The following KCNIP4 variants were observed in gnomAD, a reference collection of about 807,000 sequenced individuals.
KCNIP4 encodes potassium voltage-gated channel interacting protein 4, also known as Kv channel-interacting protein 4.
In KCNIP4, 12 loss-of-function variants were observed where a neutral mutation model predicts 34.0. That is an observed-to-expected ratio of 0.35 (90% CI 0.23 to 0.57). The LOEUF is 0.57. Among genes scored for constraint, KCNIP4 ranks in the 20% least tolerant of loss-of-function variants. KCNIP4 has a pLI of 0.83. For synonymous variants in KCNIP4, 124 were observed against 102.2 expected, an observed-to-expected ratio of 1.21 and a Z score of -1.29; for missense variants, 238 against 311.7, an observed-to-expected ratio of 0.76 and a Z score of 1.78.
At chr4:21,021,023 C>T (rs1017395107) in intron 1 of KCNIP4, among the ~76,000 whole-genome samples, 3 of 152,086 alleles carry the variant, frequency 2.0e-5, no homozygotes, top group African/African-American at 7.2e-5. Flanking sequence ...GTGAAGATCA[C>T]GGAGTGTACT....
At chr4:20,840,555 C>T (rs6447990) in intron 3 of KCNIP4, among the ~76,000 whole-genome samples, 59,205 of 151,912 alleles carry the variant, frequency 0.39, 12,057 homozygotes, top group Non-Finnish European at 0.46. Flanking sequence ...CCACACCATC[C>T]TTCTGCTCTC....
chr4:21,097,224 A>G (rs1358866241), intron 1 of KCNIP4, among the ~76,000 whole-genome samples: 2 of 152,206 alleles, frequency 1.3e-5, no homozygotes, highest in Admixed American at 1.3e-4. Flanking sequence ...ATGGATAAAC[A>G]AAATGTGTCA....
At chr4:20,737,129 G>A (rs939225419) in intron 5 of KCNIP4, among the ~76,000 whole-genome samples, 5 of 152,006 alleles carry the variant, frequency 3.3e-5, no homozygotes, top group Non-Finnish European at 7.4e-5. Flanking sequence ...TGGCATGAAG[G>A]GTAGAATGTC....
At chr4:21,750,105 G>A (rs1717050665) in intron 1 of KCNIP4, among the ~76,000 whole-genome samples, 1 of 152,088 alleles carries the variant, frequency 6.6e-6, no homozygotes, top group Non-Finnish European at 1.5e-5. Context: ...TCTCTCCAGG[G>A]ATATGAATCC....
chr4:21,292,596 C>T (rs1362291712), intron 1 of KCNIP4, among the ~76,000 whole-genome samples: 5 of 152,202 alleles, frequency 3.3e-5, no homozygotes, highest in South Asian at 4.2e-4. Context: ...CACATTTGCT[C>T]GGTAAATTCA....
intron 1 of KCNIP4, among the ~76,000 whole-genome samples, chr4:20,949,255 C>A (rs1732519413): frequency 6.6e-6 from 1 of 152,170 alleles, no homozygotes; most frequent in East Asian, 1.9e-4. Flanking sequence ...TCTTGAAACT[C>A]TTGAATAAAA....
At chr4:21,814,949 T>G (rs946562109) in intron 1 of KCNIP4, among the ~76,000 whole-genome samples, 1 of 152,106 alleles carries the variant, frequency 6.6e-6, no homozygotes, top group Non-Finnish European at 1.5e-5. Flanking sequence ...CGGGGCAACT[T>G]TGGCAACATC....
intron 1 of KCNIP4, among the ~76,000 whole-genome samples, chr4:21,874,075 T>C (rs1189489535): frequency 1.3e-5 from 2 of 152,232 alleles, no homozygotes; most frequent in African/African-American, 4.8e-5. Context: ...CTGATACGCA[T>C]AGCCGCAACA....
chr4:20,916,505 G>C (rs1439190908), intron 1 of KCNIP4, among the ~76,000 whole-genome samples: 1 of 152,026 alleles, frequency 6.6e-6, no homozygotes, highest in East Asian at 1.9e-4. Flanking sequence ...AGTGGGAAGG[G>C]GAAATGAATT....
At chr4:21,388,019 G>T (rs919594849) in intron 1 of KCNIP4, among the ~76,000 whole-genome samples, 1 of 150,362 alleles carries the variant, frequency 6.7e-6, no homozygotes, top group Non-Finnish European at 1.5e-5. Context: ...GGGATGAAAG[G>T]CATTTACATA....
chr4:21,478,034 C>T (rs1731132427), intron 1 of KCNIP4, among the ~76,000 whole-genome samples: 1 of 152,132 alleles, frequency 6.6e-6, no homozygotes, highest in Non-Finnish European at 1.5e-5. Context: ...ATCCTCCTAC[C>T]CTTCAACAAA....
chr4:21,463,521 G>A (rs1360459168), intron 1 of KCNIP4, among the ~76,000 whole-genome samples: 1 of 151,638 alleles, frequency 6.6e-6, no homozygotes, highest in African/African-American at 2.4e-5. Flanking sequence ...TTTTGTGTTT[G>A]GTTTCTTTCA....
chr4:21,636,753 A>G (rs1746200153), intron 1 of KCNIP4, among the ~76,000 whole-genome samples: 1 of 152,238 alleles, frequency 6.6e-6, no homozygotes, highest in Admixed American at 6.5e-5. Flanking sequence ...TTTCTTCACA[A>G]TGGCAAATAA....
chr4:21,225,870 C>A (rs908225632), intron 1 of KCNIP4, among the ~76,000 whole-genome samples: 2 of 152,042 alleles, frequency 1.3e-5, no homozygotes, highest in East Asian at 3.9e-4. Context: ...GCCAGGAAGG[C>A]CCAGTAGGGT....
At chr4:20,957,666 G>T (rs1268234336) in intron 1 of KCNIP4, among the ~76,000 whole-genome samples, 1 of 152,026 alleles carries the variant, frequency 6.6e-6, no homozygotes, top group Non-Finnish European at 1.5e-5. Context: ...ATGGGATAAC[G>T]AGCTGTGCTT....
intron 1 of KCNIP4, among the ~76,000 whole-genome samples, chr4:21,792,500 G>T (rs1720363332): frequency 6.6e-6 from 1 of 152,212 alleles, no homozygotes; most frequent in African/African-American, 2.4e-5. Flanking sequence ...TGGAACAGAT[G>T]CTGTGTGTAA....
chr4:21,854,617 C>A (rs889944462), intron 1 of KCNIP4, among the ~76,000 whole-genome samples: 2 of 152,062 alleles, frequency 1.3e-5, no homozygotes, highest in Admixed American at 1.3e-4. Flanking sequence ...TGGGCTCTAC[C>A]CTTGGCACAC....
In KCNIP4 at chr4:21,260,604, C is replaced by T. The variant is rs559337752; in HGVS notation, c.62-377895G>A. On this transcript the variant is annotated intron_variant, in intron 1 of 8. Transcript: ENST00000382152. ...TTTCTTAATGCCTTCAATTACCTGG[C>T]TTTAAGACTAGTCACAAACATGCAC... is the stretch of plus-strand genomic sequence containing the variant. Among the ~76,000 whole-genome samples, 21 of 152,232 alleles carry T rather than the reference C, an allele frequency of 1.4e-4. No homozygotes were observed. The South Asian group carries it at 2.3e-3, about 17-fold the overall frequency.
intron 3 of KCNIP4, 76 bp downstream of exon 3, chr4:20,850,467 T>A (rs1280741668): frequency 6.8e-7 from 1 of 1,481,220 alleles, no homozygotes; most frequent in African/African-American, 1.4e-5. Context: ...AATGGGATAT[T>A]TTCCCCCTTT....
Sources: gnomAD v4.1 joint callset for allele counts (sites outside exome capture counted in the v4.1 genomes callset) on GRCh38, gnomAD v4.1.1 for gene constraint, MANE v1.5 for transcripts, NCBI Gene and HGNC (gene_info 2026-07-23, HGNC 2026-07-21) for gene names.